Variants in NPAS3 observed in about 807,000 individuals in gnomAD.
NPAS3 encodes the protein neuronal PAS domain protein 3.
A neutral mutation model predicts 73.1 loss-of-function variants in NPAS3; 14 were observed. The observed-to-expected ratio is 0.19, with a 90% confidence interval of 0.13 to 0.30. NPAS3 has a LOEUF of 0.30. NPAS3 is among the 10% of genes least tolerant of loss of function. The pLI, the probability that NPAS3 is intolerant of heterozygous loss-of-function variation, is 1.00. For synonymous variants in NPAS3, 620 were observed against 541.5 expected, an observed-to-expected ratio of 1.14 and a Z score of -2.01; for missense variants, 1,096 against 1,250.0, an observed-to-expected ratio of 0.88 and a Z score of 1.86.
chr14:33,035,486 C>G (rs148145470), intron 1 of NPAS3, among the ~76,000 whole-genome samples: 9 of 152,200 alleles, frequency 5.9e-5, no homozygotes, highest in African/African-American at 2.2e-4. Context: ...CAGTCTTACA[C>G]ATCTTCAAAT....
chr14:33,555,896 C>CTGTG (rs60426737), intron 4 of NPAS3, among the ~76,000 whole-genome samples: 14,018 of 151,280 alleles, frequency 0.093, 735 homozygotes, highest in Non-Finnish European at 0.11. Flanking sequence ...GTTGGTGTGT[C>CTGTG]TGTGTGTGTG....
At chr14:33,575,239 CTA>C (rs1404677249) in intron 5 of NPAS3, among the ~76,000 whole-genome samples, 4 of 152,144 alleles carry the variant, frequency 2.6e-5, no homozygotes, top group Non-Finnish European at 5.9e-5. Flanking sequence ...TAGCTTTCGA[CTA>C]TTAACTGATG....
intron 2 of NPAS3, among the ~76,000 whole-genome samples, chr14:33,102,107 T>C (rs1386589977): frequency 6.6e-6 from 1 of 152,112 alleles, no homozygotes; most frequent in Non-Finnish European, 1.5e-5. Context: ...TGAATCAACC[T>C]CTTTTTTTCC....
chr14:32,964,028 CA>C (rs1166181539), intron 1 of NPAS3, among the ~76,000 whole-genome samples: 1 of 151,726 alleles, frequency 6.6e-6, no homozygotes, highest in African/African-American at 2.4e-5. Flanking sequence ...TACTAAAATG[CA>C]AAATCCAAAG....
chr14:32,951,789 A>G (rs1222197237), intron 1 of NPAS3, among the ~76,000 whole-genome samples: 1 of 152,104 alleles, frequency 6.6e-6, no homozygotes, highest in Non-Finnish European at 1.5e-5. Flanking sequence ...CTGTAGTGAG[A>G]TAGTTACCCA....
intron 2 of NPAS3, among the ~76,000 whole-genome samples, chr14:33,157,022 A>G (rs2044671329): frequency 6.6e-6 from 1 of 152,222 alleles, no homozygotes; most frequent in East Asian, 1.9e-4. Flanking sequence ...AAAGAAGAGC[A>G]GACTACATCA....
chr14:33,090,123 G>T (rs550825516), intron 2 of NPAS3, among the ~76,000 whole-genome samples: 1 of 152,302 alleles, frequency 6.6e-6, no homozygotes, highest in African/African-American at 2.4e-5. Context: ...ACATCACAAT[G>T]ACAGGATCAG....
chr14:33,619,300 G>A (rs938989260), intron 5 of NPAS3, among the ~76,000 whole-genome samples: 1 of 152,046 alleles, frequency 6.6e-6, no homozygotes, highest in Non-Finnish European at 1.5e-5. Flanking sequence ...TATTACCTTT[G>A]TCTATAGGTT....
At chr14:33,329,814 G>A (rs182272627) in intron 3 of NPAS3, among the ~76,000 whole-genome samples, 19 of 152,006 alleles carry the variant, frequency 1.2e-4, no homozygotes, top group Non-Finnish European at 2.6e-4. Context: ...AAAGTGGAGT[G>A]TGTGTGTGTG....
chr14:33,388,502 G>A (rs1017861794), intron 4 of NPAS3, among the ~76,000 whole-genome samples: 36 of 152,022 alleles, frequency 2.4e-4, no homozygotes, highest in African/African-American at 8.5e-4. Context: ...GGTGAATGGG[G>A]GCGGGGGGCA....
At chr14:33,170,325 A>T (rs936256036) in intron 2 of NPAS3, among the ~76,000 whole-genome samples, 4 of 152,220 alleles carry the variant, frequency 2.6e-5, no homozygotes, top group Non-Finnish European at 5.9e-5. Context: ...ATTTCTAAAA[A>T]CATGTGAACA....
At chr14:33,458,107 G>A (rs2050102434) in intron 4 of NPAS3, among the ~76,000 whole-genome samples, 1 of 152,184 alleles carries the variant, frequency 6.6e-6, no homozygotes, top group African/African-American at 2.4e-5. Flanking sequence ...GACCACCCTG[G>A]CCTGCCCGGT....
intron 2 of NPAS3, among the ~76,000 whole-genome samples, chr14:33,144,737 G>A (rs1178435438): frequency 6.6e-6 from 1 of 151,988 alleles, no homozygotes; most frequent in Non-Finnish European, 1.5e-5. Flanking sequence ...TTAATTAAAT[G>A]AATTTTAAAA....
chr14:33,045,425 T>C (rs116537067), intron 1 of NPAS3, among the ~76,000 whole-genome samples: 75 of 152,322 alleles, frequency 4.9e-4, no homozygotes, highest in African/African-American at 1.7e-3. Context: ...CTAGAGGGCT[T>C]TACATTTTGT....
At chr14:33,740,492 G>A (rs996787351) in intron 7 of NPAS3, among the ~76,000 whole-genome samples, 1 of 152,200 alleles carries the variant, frequency 6.6e-6, no homozygotes, top group Non-Finnish European at 1.5e-5. Context: ...ATATACCAAT[G>A]AAAACTGTTG....
chr14:33,606,908 G>C (rs1233705742), intron 5 of NPAS3, among the ~76,000 whole-genome samples: 4 of 152,034 alleles, frequency 2.6e-5, no homozygotes, highest in African/African-American at 9.7e-5. Flanking sequence ...AATTTAATGG[G>C]CAAAATATTT....
chr14:33,489,175 A>G (rs77520886), intron 4 of NPAS3, among the ~76,000 whole-genome samples: 14,246 of 152,194 alleles, frequency 0.094, 699 homozygotes, highest in South Asian at 0.15. Context: ...TTTTAGTGGA[A>G]TTGAATTTAG....
chr14:33,388,703 T>C (rs1411046426), intron 4 of NPAS3, among the ~76,000 whole-genome samples: 1 of 152,126 alleles, frequency 6.6e-6, no homozygotes, highest in Non-Finnish European at 1.5e-5. Flanking sequence ...TCTTTCCAGA[T>C]TGGGAAACTA....
chr14:33,195,098 T>C (rs950791679), intron 2 of NPAS3, among the ~76,000 whole-genome samples: 1 of 152,174 alleles, frequency 6.6e-6, no homozygotes, highest in Non-Finnish European at 1.5e-5. Flanking sequence ...AACGTGTATT[T>C]GTTGATTGCT....
Sources: allele counts gnomAD v4.1 joint callset (sites outside exome capture counted in the v4.1 genomes callset), GRCh38; gene constraint gnomAD v4.1.1; transcripts MANE v1.5; gene names NCBI Gene and HGNC (gene_info 2026-07-23, HGNC 2026-07-21).